TBXAS1: variants seen among roughly 807,000 people sequenced by gnomAD.
TBXAS1 encodes the protein thromboxane A synthase 1.
TBXAS1 carries 48 observed loss-of-function variants against 60.7 expected under a neutral mutation model. The observed-to-expected ratio is 0.79, with a 90% CI of 0.63 to 1.01. The LOEUF is 1.01. TBXAS1 is among the 50% of genes least tolerant of loss of function. TBXAS1 has a pLI of 0.00. For synonymous variants in TBXAS1, 287 were observed against 269.7 expected, an observed-to-expected ratio of 1.06 and a Z score of -0.63; for missense variants, 685 against 686.3, an observed-to-expected ratio of 1.00 and a Z score of 0.02.
intron 9 of TBXAS1, among the ~76,000 whole-genome samples, chr7:139,989,978 C>T (rs1812769875): frequency 6.6e-6 from 1 of 152,196 alleles, no homozygotes; most frequent in Admixed American, 6.5e-5. Flanking sequence ...ACTGTGAGCT[C>T]CTCCTTATGC....
intron 5 of TBXAS1, among the ~76,000 whole-genome samples, chr7:139,947,572 T>TA: frequency 6.6e-6 from 1 of 152,312 alleles, no homozygotes; most frequent in African/African-American, 2.4e-5. Flanking sequence ...AATAAAATTT[T>TA]AAAAAACTGG....
upstream of TBXAS1, among the ~76,000 whole-genome samples, chr7:139,828,670 T>C (rs1485846452): frequency 6.6e-6 from 1 of 151,880 alleles, no homozygotes; most frequent in East Asian, 1.9e-4. Flanking sequence ...AGCTCAAAGC[T>C]AGAACAAAGG....
Position 139,891,339 on chromosome 7 carries a change from A to T in TBXAS1, c.236+15702A>T, listed in dbSNP as rs556784554. ...AAGTGTTTTCCAGCACTCAGTGTGG[A>T]TCATGTCCCTCCAATATAGTATCTC... is the stretch of plus-strand genomic sequence containing the variant. On this transcript the variant is annotated intron_variant, in intron 3 of 12. Coordinates refer to ENST00000448866, the MANE Select transcript of TBXAS1 (RefSeq NM_001061.7). 2.2e-4 allele frequency among the ~76,000 whole-genome samples: 33 copies of T among 152,128 alleles called. 1 individual carries two copies. Among genetic ancestry groups the T allele is most frequent in the African/African-American group, 8.0e-4 (33 of 41,490 alleles).
chr7:139,940,996 C>A (rs933040664), intron 5 of TBXAS1, among the ~76,000 whole-genome samples: 1 of 151,962 alleles, frequency 6.6e-6, no homozygotes, highest in African/African-American at 2.4e-5. Context: ...TACACATATA[C>A]GTATACACAT....
chr7:139,889,224 C>T (rs545636611), intron 3 of TBXAS1, among the ~76,000 whole-genome samples: 1 of 151,150 alleles, frequency 6.6e-6, no homozygotes, highest in Admixed American at 6.6e-5. Flanking sequence ...GTCCCAAGTA[C>T]TTTGGAGGCT....
chr7:139,831,223 CT>C (rs1798679655), intron 1 of TBXAS1, among the ~76,000 whole-genome samples: 1 of 152,126 alleles, frequency 6.6e-6, no homozygotes, highest in East Asian at 1.9e-4. Context: ...AGCTGGATGT[CT>C]AGAGAGGATA....
chr7:139,953,589 G>C, intron 6 of TBXAS1, 133 bp downstream of exon 6: 1 of 839,018 alleles, frequency 1.2e-6, no homozygotes, highest in South Asian at 1.5e-5. Context: ...AGCATGGATG[G>C]ACTGATTAAT....
In TBXAS1 at chr7:139,995,470, G is replaced by A. The variant is rs185332673; in HGVS notation, c.1135-11621G>A. On this transcript the variant is annotated intron_variant, in intron 9 of 12. Transcript: ENST00000448866. ...AGTGACCAGGATCTGCTAAGGTCAT[G>A]AGGCTGTCCCTGGGTGGGTGGGGGC... is the stretch of plus-strand genomic sequence containing the variant. Among the ~76,000 whole-genome samples the A allele has an allele frequency of 2.0e-5, 3 of 152,240 alleles. No homozygotes were observed. The East Asian group carries it at 5.8e-4, about 29-fold the overall frequency.
In TBXAS1 at chr7:140,007,162, G is replaced by C. The variant is rs1260825095; in HGVS notation, c.1206G>C (p.Arg402Ser). The C allele has an allele frequency of 4.3e-6, 7 of 1,614,140 alleles. No individual in the cohort carries two copies. The highest frequency in any genetic ancestry group is 5.1e-6 in the Non-Finnish European group (6 of 1,180,026). The change falls in exon 10 of 13, where the codon AGG becomes AGC. Residue 402 changes from arginine (R) to serine (S), a missense_variant. By Grantham distance (110) the Arg-to-Ser change is moderately radical. Coordinates refer to ENST00000448866, the MANE Select transcript of TBXAS1 (RefSeq NM_001061.7). ...YLDMVIAETL[R>S]MYPPAFRFTR... ...ACATGGTGATTGCAGAGACGCTGAG[G>C]ATGTACCCGCCAGCTTTCAGGTGTG...
rs755811343 is a variant in TBXAS1, at chr7:140,007,156, G to T, written c.1200G>T (p.Thr400=). ...ATCTGGACATGGTGATTGCAGAGAC[G>T]CTGAGGATGTACCCGCCAGCTTTCA... The part of the protein sequence containing the change: ...LPYLDMVIAE[T]LRMYPPAFRF... The change falls in exon 10 of 13, where the codon ACG becomes ACT. Residue 400 remains threonine, a synonymous_variant. Transcript: ENST00000448866. The T allele has an allele frequency of 1.6e-5, 26 of 1,614,106 alleles. No individual in the cohort carries two copies. The highest frequency in any genetic ancestry group is 2.2e-5 in the Non-Finnish European group (26 of 1,180,012).
intron 5 of TBXAS1, among the ~76,000 whole-genome samples, chr7:139,937,932 T>G (rs2158668): frequency 1.9e-3 from 265 of 142,356 alleles, no homozygotes; most frequent in Admixed American, 2.8e-3. Flanking sequence ...AGCTGGGGGG[T>G]GGGGGAGGGT....
chr7:139,967,451 AT>A (rs1810874124), intron 9 of TBXAS1, among the ~76,000 whole-genome samples: 1 of 152,162 alleles, frequency 6.6e-6, no homozygotes, highest in African/African-American at 2.4e-5. Flanking sequence ...AATCCCTCTA[AT>A]GTCTTTATAG....
chr7:139,929,358 C>T (rs141867255), intron 4 of TBXAS1, among the ~76,000 whole-genome samples: 1,754 of 152,074 alleles, frequency 0.012, 27 homozygotes, highest in African/African-American at 0.04. Context: ...ACCACACAGG[C>T]TAAACTAATT....
chr7:139,872,122 A>G lies in TBXAS1; in HGVS notation c.90-113A>G, dbSNP rs1374709514. The G allele has an allele frequency of 6.3e-6, 7 of 1,103,006 alleles. No individual in the cohort carries two copies. The African/African-American group carries it at 1.1e-4, about 17-fold the overall frequency. 68.3% of individuals were successfully genotyped at this position (1,103,006 alleles called of 1,614,324 possible). ...TGGTTCTTAGATGTGGTGACTGGAA[A>G]CCTATTCTTTTGCCTTTACTTCCAG... On this transcript the variant is annotated intron_variant, in intron 1 of 12. Coordinates refer to ENST00000448866, the MANE Select transcript of TBXAS1 (RefSeq NM_001061.7).
Position 139,936,290 on chromosome 7 carries a change from C to A in TBXAS1, c.433C>A (p.Pro145Thr). 6.2e-7 allele frequency: 1 copy of A among 1,614,110 alleles called. No homozygotes were observed. Among genetic ancestry groups the A allele is most frequent in the Non-Finnish European group, 8.5e-7 (1 of 1,179,976 alleles). The stretch of plus-strand genomic sequence containing the variant: ...AGGTGCCCTGATGTCTGCTTTCAGT[C>A]CTGAAAAGCTGAACGAGGTAAGACA... ...VRGALMSAFS[P>T]EKLNEMVPLI... The change falls in exon 5 of 13, where the codon CCT becomes ACT. Residue 145 changes from proline (P) to threonine (T), a missense_variant. Physicochemically the swap from Pro to Thr is conservative, Grantham distance 38 (BLOSUM62 -1). Transcript: ENST00000448866.
intron 3 of TBXAS1, among the ~76,000 whole-genome samples, chr7:139,886,604 A>G (rs935063312): frequency 6.6e-6 from 1 of 152,104 alleles, no homozygotes; most frequent in Non-Finnish European, 1.5e-5. Context: ...TGCACTTCAC[A>G]ACAGAGCTAC....
intron 5 of TBXAS1, 76 bp from the exon 6 acceptor site, chr7:139,953,292 A>C: frequency 8.3e-7 from 1 of 1,198,146 alleles, no homozygotes; most frequent in Non-Finnish European, 1.2e-6. Context: ...CACTACATAT[A>C]ACCTCTTCAT....
intron 4 of TBXAS1, among the ~76,000 whole-genome samples, chr7:139,802,497 G>T (rs1284365296): frequency 6.6e-6 from 1 of 152,126 alleles, no homozygotes; most frequent in East Asian, 1.9e-4. Flanking sequence ...ATAAAGGCCA[G>T]TTCCCGGCTG....
At chr7:140,009,564 G>T (rs2048846315) in intron 10 of TBXAS1, among the ~76,000 whole-genome samples, 1 of 146,120 alleles carries the variant, frequency 6.8e-6, no homozygotes, top group Admixed American at 6.8e-5. Flanking sequence ...CCCCACACAT[G>T]CCCCACACCC....
Sources: allele counts gnomAD v4.1 joint callset (sites outside exome capture counted in the v4.1 genomes callset), GRCh38; gene constraint gnomAD v4.1.1; transcripts MANE v1.5; gene names NCBI Gene and HGNC (gene_info 2026-07-23, HGNC 2026-07-21).